QARS1: variants seen among roughly 807,000 people sequenced by gnomAD.
The protein encoded by QARS1 is glutaminyl-tRNA synthetase 1.
A neutral mutation model predicts 106.9 loss-of-function variants in QARS1; 79 were observed. The observed-to-expected ratio is 0.74, with a 90% confidence interval of 0.62 to 0.89. The LOEUF is 0.89. QARS1 is among the 40% of genes least tolerant of loss of function. The pLI, the probability that QARS1 is intolerant of heterozygous loss-of-function variation, is 0.00. For synonymous variants in QARS1, 395 were observed against 367.7 expected (o/e 1.07, Z -0.85); for missense variants, 966 against 997.2 (o/e 0.97, Z 0.42).
In QARS1 at chr3:49,101,856, C is replaced by A. The variant is rs531737934; in HGVS notation, c.675G>T (p.Arg225=). The A allele has an allele frequency of 1.2e-6, 2 of 1,612,416 alleles. No individual in the cohort carries two copies. The highest frequency in any genetic ancestry group is 2.7e-5 in the African/African-American group (2 of 74,854). Residue 225 remains arginine (R), a synonymous_variant, in exon 8 of 24, where the codon CGG becomes CGT. Transcript: ENST00000306125. ...DQTLSLMEQL[R]GEALKFHKPG... ...GCTTGTGGAACTTAAGGGCCTCCCC[C>A]CGGAGCTGCTCCATCAGAGACAGGG...
intron 5 of QARS1, chr3:49,102,843 A>T (rs2042489057): frequency 2.8e-6 from 1 of 353,628 alleles, no homozygotes; most frequent in Admixed American, 3.8e-5. Context: ...GGGTTTCACC[A>T]TGTTGGCCAG....
chr3:49,098,143 A>G, intron 22 of QARS1, 26 bp from the exon 23 acceptor site: 1 of 1,614,160 alleles, frequency 6.2e-7, no homozygotes, highest in Middle Eastern at 1.6e-4. Flanking sequence ...TCAGGCAACC[A>G]TCCAACCAGG....
chr3:49,097,120 T>C (rs1250958950), intron 23 of QARS1: 3 of 151,584 alleles, frequency 2.0e-5, no homozygotes, highest in African/African-American at 4.9e-5. Flanking sequence ...CTGGGCAACA[T>C]AGTGAGAACT....
Position 49,104,363 on chromosome 3 carries a change from T to C in QARS1, c.226A>G (p.Ile76Val), listed in dbSNP as rs755600734. 6 of 1,614,078 alleles carry C rather than the reference T, an allele frequency of 3.7e-6. No individual in the cohort carries two copies. The Admixed American group carries it at 6.7e-5, about 18-fold the overall frequency. ...TCAGTGTGGATCTTCTTACTGGCTA[T>C]GTAGCTTACAAGGAAGGAGAGACGC... is the stretch of plus-strand genomic sequence containing the variant. The part of the protein sequence containing the change: ...TRRLSFLVSY[I>V]ASKKIHTEPQ... Residue 76 changes from isoleucine to valine, a missense_variant, in exon 2 of 24, where the codon ATA becomes GTA. By Grantham distance (29) the Ile-to-Val change is conservative (BLOSUM62 3). Coordinates refer to ENST00000306125, the MANE Select transcript of QARS1 (RefSeq NM_005051.3).
In QARS1 at chr3:49,101,882, T is replaced by C. The variant is rs751418967; in HGVS notation, c.649A>G (p.Thr217Ala). ...CGGAGCTGCTCCATCAGAGACAGGG[T>C]CTGGTCAGCAGTCTCGCCTGTGGGG... is the stretch of plus-strand genomic sequence containing the variant. Reference protein sequence around the residue: ...VVENGETADQTLSLMEQLRGE... With the variant: ...VVENGETADQALSLMEQLRGE... Residue 217 changes from threonine (T) to alanine (A), a missense_variant, in exon 8 of 24, where the codon ACC becomes GCC. Transcript: ENST00000306125. The C allele has an allele frequency of 6.2e-7, 1 of 1,611,972 alleles. No individual in the cohort carries two copies. The highest frequency in any genetic ancestry group is 1.1e-5 in the South Asian group (1 of 90,770).
At chr3:49,100,758 C>T (rs762182369) in intron 10 of QARS1, 84 bp from the exon 11 acceptor site, 2 of 1,163,728 alleles carry the variant, frequency 1.7e-6, no homozygotes, top group Non-Finnish European at 2.6e-6. Flanking sequence ...ATTCACAGAG[C>T]ACTCTCATGT....
chr3:49,099,766 C>A lies in QARS1; in HGVS notation c.1383G>T (p.Gln461His). The A allele has an allele frequency of 6.2e-7, 1 of 1,614,040 alleles. No individual in the cohort carries two copies. The highest frequency in any genetic ancestry group is 8.5e-7 in the Non-Finnish European group (1 of 1,179,986). ...ITHSLCTKEF[Q>H]ARRSSYFWLC... ...CATGGACCCAGCTCCCTCACCGGGC[C>A]TGGAATTCCTTGGTGCAGAGTGAGT... Residue 461 changes from glutamine to histidine, a missense_variant, in exon 15 of 24, where the codon CAG becomes CAT. Gln to His is a conservative substitution (Grantham distance 24). Coordinates refer to ENST00000306125, the MANE Select transcript of QARS1 (RefSeq NM_005051.3).
At position 49,102,588 on chromosome 3, in the gene QARS1, A is replaced by G. The variant is rs972120993; in HGVS notation, c.517-116T>C. The G allele has an allele frequency of 3.6e-6, 4 of 1,116,912 alleles. No homozygotes were observed. The African/African-American group carries it at 6.2e-5, about 17-fold the overall frequency. The allele number at this position is 1,116,912 out of a possible 1,614,324, so 69.2% of individuals were successfully genotyped here. ...CCTATCTACCAGCACTGACTGAAAA[A>G]ACCTACCTAGCCCATCCCATCTCTT... On this transcript the variant is annotated intron_variant, in intron 5 of 23. Transcript: ENST00000306125.
chr3:49,102,103 G>T, intron 7 of QARS1, 102 bp downstream of exon 7: 1 of 1,477,412 alleles, frequency 6.8e-7, no homozygotes, highest in Non-Finnish European at 9.4e-7. Context: ...AGAAGTCAGG[G>T]TACTGAGTAA....
intron 6 of QARS1, 29 bp from the exon 7 acceptor site, chr3:49,102,294 A>G (rs1382513581): frequency 1.9e-6 from 3 of 1,614,044 alleles, no homozygotes; most frequent in Non-Finnish European, 2.5e-6. Context: ...GCTTCAGAAA[A>G]TGGCATCAAA....
In QARS1 at chr3:49,100,494, C is replaced by G. The variant is rs764292652; in HGVS notation, c.977-36G>C. 9.9e-6 allele frequency: 16 copies of G among 1,608,798 alleles called. 3 individuals are homozygous for G. The South Asian group carries it at 1.1e-4, about 11-fold the overall frequency. ...ATGAAACAAAGTATGAGCAGCCAGC[C>G]ACAAACACCCAGTGGGCAGGCCATG... On this transcript the variant is annotated intron_variant, in intron 11 of 23. Coordinates refer to ENST00000306125, the MANE Select transcript of QARS1 (RefSeq NM_005051.3).
In QARS1 at chr3:49,096,086, G is replaced by A. The variant is rs1256143436; in HGVS notation, c.2278-7C>T. On this transcript the variant is annotated splice_region_variant and splice_polypyrimidine_tract_variant and intron_variant, in intron 23 of 23. Coordinates refer to ENST00000306125, the MANE Select transcript of QARS1 (RefSeq NM_005051.3). ...CAGTTCGGTTAAAGACAAGCTGGAGGGCAGAGGGAAAAGGATGACCACCAA... is the reference window on the plus strand; with the variant it reads ...CAGTTCGGTTAAAGACAAGCTGGAGAGCAGAGGGAAAAGGATGACCACCAA... The A allele has an allele frequency of 6.2e-7, 1 of 1,613,626 alleles. No homozygotes were observed. Among genetic ancestry groups the A allele is most frequent in the East Asian group, 2.2e-5 (1 of 44,874 alleles).
chr3:49,099,745 G>A lies in QARS1; in HGVS notation c.1388+16C>T, dbSNP rs759560524. The A allele has an allele frequency of 6.2e-7, 1 of 1,613,736 alleles. No individual in the cohort carries two copies. Among genetic ancestry groups the A allele is most frequent in the Non-Finnish European group, 8.5e-7 (1 of 1,179,816 alleles). On this transcript the variant is annotated intron_variant, in intron 15 of 23. Coordinates refer to ENST00000306125, the MANE Select transcript of QARS1 (RefSeq NM_005051.3). ...ATTCCACTGGCCCTACCACCCCATG[G>A]ACCCAGCTCCCTCACCGGGCCTGGA...
chr3:49,100,123 A>C, intron 13 of QARS1, 32 bp from the exon 14 acceptor site: 1 of 1,614,216 alleles, frequency 6.2e-7, no homozygotes, highest in Non-Finnish European at 8.5e-7. Flanking sequence ...GCTGTCTCTA[A>C]GCACAGGAGC....
chr3:49,104,738 G>A lies in QARS1; in HGVS notation c.-5C>T. 1.2e-6 allele frequency: 2 copies of A among 1,612,220 alleles called. No homozygotes were observed. Among genetic ancestry groups the A allele is most frequent in the Non-Finnish European group, 1.7e-6 (2 of 1,178,734 alleles). ...CAGGGAGTCTAGAGCCGCCATTGCA[G>A]AGACACCGGAAACTAAAAGAAACTT... On this transcript the variant is annotated 5_prime_UTR_variant, in exon 1 of 24. Transcript: ENST00000306125.
intron 3 of QARS1, 76 bp from the exon 4 acceptor site, chr3:49,103,782 G>A: frequency 6.3e-7 from 1 of 1,594,436 alleles, no homozygotes; most frequent in East Asian, 2.2e-5. Flanking sequence ...CTCACTCTGG[G>A]TCTTCCTGAG....
At chr3:49,102,537 C>CT in intron 5 of QARS1, 65 bp from the exon 6 acceptor site, 5 of 1,573,654 alleles carry the variant, frequency 3.2e-6, no homozygotes, top group Non-Finnish European at 4.4e-6. Context: ...CTGACTGATC[C>CT]TACCCACCAA....
Position 49,103,346 on chromosome 3 carries a change from T to C in QARS1, c.515A>G (p.Gln172Arg), listed in dbSNP as rs761573152. The C allele has an allele frequency of 1.2e-5, 19 of 1,613,878 alleles. No homozygotes were observed. The change falls in exon 5 of 24, where the codon CAG becomes CGG. Residue 172 changes from glutamine (Q) to arginine (R), a missense_variant and splice_region_variant. Transcript: ENST00000306125. Reference sequence around the variant, plus strand: ...TTCAGCTTAGTGAAGCACGCTCACCTGCATGTCCACTTCATTCTTGATCAT... The same window carrying C: ...TTCAGCTTAGTGAAGCACGCTCACCCGCATGTCCACTTCATTCTTGATCAT... ...GKMIKNEVDM[Q>R]VLHLLGPKLE...
intron 5 of QARS1, among the ~76,000 whole-genome samples, chr3:49,102,887 C>T (rs1050141949): frequency 2.6e-5 from 4 of 152,222 alleles, no homozygotes; most frequent in African/African-American, 9.6e-5. Flanking sequence ...AGGTGATCTG[C>T]CCACCTCAGC....
Sources: allele counts gnomAD v4.1 joint callset (sites outside exome capture counted in the v4.1 genomes callset), GRCh38; gene constraint gnomAD v4.1.1; transcripts MANE v1.5; gene names NCBI Gene and HGNC (gene_info 2026-07-23, HGNC 2026-07-21).